Variants in YTHDC1 observed in about 807,000 individuals in gnomAD.
The protein encoded by YTHDC1 is YTH domain-containing protein 1.
Under a neutral mutation model 107.0 loss-of-function variants are expected in YTHDC1, and 12 were observed. The ratio of observed to expected loss-of-function variants is 0.11; its 90% CI spans 0.07 to 0.18. The LOEUF is 0.18. Ranked by LOEUF, YTHDC1 falls within the 10% of genes least tolerant of loss-of-function variation. YTHDC1 has a pLI of 1.00. For missense variants in YTHDC1, 635 were observed against 898.8 expected (o/e 0.71, Z 3.75); for synonymous variants, 280 against 289.5 (o/e 0.97, Z 0.33).
chr4:68,342,215 A>ATGGGGC (rs1255047591), intron 1 of YTHDC1, among the ~76,000 whole-genome samples: 5 of 152,210 alleles, frequency 3.3e-5, no homozygotes, highest in South Asian at 4.2e-4. Flanking sequence ...CTGCAGTCAA[A>ATGGGGC]TGGGGCTGGG....
In YTHDC1 at chr4:68,349,893, C is replaced by T. The variant is rs1181329695; in HGVS notation, c.-140G>A. On this transcript the variant is annotated 5_prime_UTR_variant, in exon 1 of 17. Coordinates refer to ENST00000344157, the MANE Select transcript of YTHDC1 (RefSeq NM_001031732.4). ...ACGCGCGTCGCACTTGGCCTCTTAA[C>T]ACTCAGCCTTCTCGACTCTTCCCGC... The T allele has an allele frequency of 1.1e-5, 13 of 1,148,930 alleles. No individual in the cohort carries two copies. The highest frequency in any genetic ancestry group is 6.1e-5 in the African/African-American group (4 of 65,424). 71.2% of individuals were successfully genotyped at this position (1,148,930 alleles called of 1,614,324 possible).
chr4:68,343,951 A>G (rs1434226177), intron 1 of YTHDC1: 1 of 152,172 alleles, frequency 6.6e-6, no homozygotes, highest in Non-Finnish European at 1.5e-5. Context: ...TAGAGGATAA[A>G]CTCAGCTCTT....
chr4:68,319,776 T>G (rs1485472109), intron 12 of YTHDC1, among the ~76,000 whole-genome samples: 1 of 152,104 alleles, frequency 6.6e-6, no homozygotes, highest in Non-Finnish European at 1.5e-5. Context: ...CATGAAACAC[T>G]AACTACCATA....
intron 9 of YTHDC1, among the ~76,000 whole-genome samples, chr4:68,325,385 T>A (rs1722883578): frequency 1.3e-5 from 2 of 152,132 alleles, no homozygotes; most frequent in Non-Finnish European, 2.9e-5. Flanking sequence ...AAAACCCAGG[T>A]AAAGCCTTAT....
intron 1 of YTHDC1, among the ~76,000 whole-genome samples, chr4:68,340,397 G>A (rs1724681912): frequency 6.6e-6 from 1 of 151,858 alleles, no homozygotes; most frequent in Admixed American, 6.6e-5. Flanking sequence ...ATGAAAACAG[G>A]CTATATGGGT....
At chr4:68,345,502 T>C (rs1002498054) in intron 1 of YTHDC1, among the ~76,000 whole-genome samples, 3 of 152,330 alleles carry the variant, frequency 2.0e-5, no homozygotes, top group Middle Eastern at 3.4e-3. Context: ...ATGTACGTTG[T>C]ACATTTAGAC....
chr4:68,333,039 T>C (rs556141508), intron 5 of YTHDC1, among the ~76,000 whole-genome samples, 192 bp from the exon 6 acceptor site: 23 of 152,216 alleles, frequency 1.5e-4, no homozygotes, highest in African/African-American at 5.1e-4. Flanking sequence ...TTTAAAAGTA[T>C]GTATATTTGA....
chr4:68,348,880 G>C (rs1725743204), intron 1 of YTHDC1, among the ~76,000 whole-genome samples: 2 of 152,184 alleles, frequency 1.3e-5, no homozygotes, highest in South Asian at 2.1e-4. Context: ...TCTTAAAGCA[G>C]CATTTAATCT....
chr4:68,313,947 A>C lies in YTHDC1; in HGVS notation c.*152T>G. The C allele has an allele frequency of 1.2e-6, 1 of 822,012 alleles. No individual in the cohort carries two copies. The highest frequency in any genetic ancestry group is 2.5e-5 in the East Asian group (1 of 40,216). The allele number at this position is 822,012 out of a possible 1,614,324, so 50.9% of individuals were successfully genotyped here. On this transcript the variant is annotated 3_prime_UTR_variant, in exon 17 of 17. Coordinates refer to ENST00000344157, the MANE Select transcript of YTHDC1 (RefSeq NM_001031732.4). ...GTTTTTCCAGTTCTTATGATACTGC[A>C]TGCTTGGAACAAAGGGGGTCATAAT...
chr4:68,323,394 A>C (rs2109693799), intron 10 of YTHDC1, among the ~76,000 whole-genome samples: 1 of 152,344 alleles, frequency 6.6e-6, no homozygotes, highest in South Asian at 2.1e-4. Flanking sequence ...GTAATTGAAA[A>C]AGTGAAAACA....
chr4:68,337,211 C>T lies in YTHDC1; in HGVS notation c.699G>A (p.Glu233=), dbSNP rs1243288896. 2.6e-6 allele frequency: 4 copies of T among 1,563,962 alleles called. No individual in the cohort carries two copies. In the South Asian group the frequency reaches 4.5e-5, roughly 17 times the overall value. The change falls in exon 4 of 17, where the codon GAG becomes GAA. Residue 233 remains glutamate, a synonymous_variant. Coordinates refer to ENST00000344157, the MANE Select transcript of YTHDC1 (RefSeq NM_001031732.4). ...EEVDEDGEEE[E]EEEEEEEEEE... ...CCTCCTCTTCCTCCTCCTCCTCTTC[C>T]TCCTCCTCCTCTCCATCTTCATCCA...
rs573874887 is a variant in YTHDC1 at position 68,339,171 on chromosome 4, C to T, written c.29-787G>A. On this transcript the variant is annotated intron_variant, in intron 1 of 16. Transcript: ENST00000344157. The stretch of plus-strand genomic sequence containing the variant: ...AACCAGATAATCAAAGTTAACATCA[C>T]CAGTAATGAGACAAATCAACATCAT... Among the ~76,000 whole-genome samples the T allele has an allele frequency of 2.0e-5, 3 of 152,260 alleles. No homozygotes were observed. The East Asian group carries it at 5.8e-4, about 29-fold the overall frequency.
chr4:68,313,913 C>T lies in YTHDC1; in HGVS notation c.*186G>A, dbSNP rs1721523481. On this transcript the variant is annotated 3_prime_UTR_variant, in exon 17 of 17. Transcript: ENST00000344157. ...TCAACTGTCAGCTGTGGATTTTTGG[C>T]GGATTTGAGTTTTTCCAGTTCTTAT... The T allele has an allele frequency of 4.7e-6, 3 of 644,038 alleles. No homozygotes were observed. The highest frequency in any genetic ancestry group is 5.3e-6 in the Non-Finnish European group (2 of 377,876). The allele number at this position is 644,038 out of a possible 1,614,324, so 39.9% of individuals were successfully genotyped here.
In YTHDC1 at chr4:68,324,160, T is replaced by C; in HGVS notation, c.1413A>G (p.Val471=). 6.2e-7 allele frequency: 1 copy of C among 1,613,934 alleles called. No homozygotes were observed. Among genetic ancestry groups the C allele is most frequent in the Non-Finnish European group, 8.5e-7 (1 of 1,179,886 alleles). ...LTNPWNEHKP[V]KIGRDGQEIE... ...AAACCTGTCCATCACGTCCGATCTT[T>C]ACTGGTTTATGTTCATTCCAAGGAT... The change falls in exon 10 of 17, where the codon GTA becomes GTG. Residue 471 remains valine (V), a synonymous_variant. Coordinates refer to ENST00000344157, the MANE Select transcript of YTHDC1 (RefSeq NM_001031732.4).
chr4:68,333,446 A>C (rs377665228), intron 4 of YTHDC1, 49 bp from the exon 5 acceptor site: 17 of 1,347,272 alleles, frequency 1.3e-5, no homozygotes, highest in Middle Eastern at 4.1e-4. Flanking sequence ...AGAAACGAAG[A>C]GAAGTAATCA....
Position 68,332,789 on chromosome 4 carries a change from G to T in YTHDC1, c.1027+5C>A. 1 of 1,612,356 alleles carries T rather than the reference G, an allele frequency of 6.2e-7. No homozygotes were observed. Among genetic ancestry groups the T allele is most frequent in the Non-Finnish European group, 8.5e-7 (1 of 1,179,172 alleles). On this transcript the variant is annotated splice_donor_5th_base_variant and intron_variant, in intron 6 of 16. Transcript: ENST00000344157. ...AATGAAAACAATTTCAAATTTAAATGATACCTTTTCGGACAGCACGAACGG... is the reference window on the plus strand; with the variant it reads ...AATGAAAACAATTTCAAATTTAAATTATACCTTTTCGGACAGCACGAACGG...
chr4:68,316,026 T>C, intron 16 of YTHDC1: 1 of 234,858 alleles, frequency 4.3e-6, no homozygotes, highest in Non-Finnish European at 8.1e-6. Flanking sequence ...ATAATTAAGA[T>C]CTCAATATGG....
chr4:68,337,985 T>A (rs1207641546), intron 2 of YTHDC1, 85 bp from the exon 3 acceptor site: 1 of 1,501,894 alleles, frequency 6.7e-7, no homozygotes, highest in African/African-American at 1.4e-5. Flanking sequence ...AATATATACA[T>A]CAGGAAGGGG....
At chr4:68,332,553 TAC>T (rs200817025) in intron 6 of YTHDC1, among the ~76,000 whole-genome samples, 1 of 151,542 alleles carries the variant, frequency 6.6e-6, no homozygotes, top group African/African-American at 2.4e-5. Context: ...CATACACACA[TAC>T]ACACACACAC....
Sources: gnomAD v4.1 joint callset for allele counts (sites outside exome capture counted in the v4.1 genomes callset) on GRCh38, gnomAD v4.1.1 for gene constraint, MANE v1.5 for transcripts, NCBI Gene and HGNC (gene_info 2026-07-23, HGNC 2026-07-21) for gene names.